The following BTD variants were observed in gnomAD, a reference collection of about 807,000 sequenced individuals.
BTD encodes the protein biotinidase, also known as biocytinase.
In BTD, 13 loss-of-function variants were observed where a neutral mutation model predicts 17.7. That is an observed-to-expected ratio of 0.74 (90% CI 0.48 to 1.17). BTD has a LOEUF of 1.17. Among genes scored for constraint, BTD ranks in the 50% most tolerant of loss-of-function variants. BTD has a pLI of 0.00. For missense variants in BTD, 674 were observed against 650.4 expected, an observed-to-expected ratio of 1.04 and a Z score of -0.39; for synonymous variants, 240 against 245.2, an observed-to-expected ratio of 0.98 and a Z score of 0.20.
intron 1 of BTD, among the ~76,000 whole-genome samples, chr3:15,620,822 G>A (rs1454057322): frequency 3.3e-5 from 5 of 152,240 alleles, no homozygotes; most frequent in African/African-American, 1.2e-4. Context: ...GTGCCAATGG[G>A]ATATATATAG....
intron 3 of BTD, chr3:15,708,054 G>A: frequency 6.2e-7 from 1 of 1,604,564 alleles, no homozygotes; most frequent in Non-Finnish European, 8.5e-7. Flanking sequence ...GCAGCGTAGT[G>A]CAGTGGAGAT....
intron 1 of BTD, chr3:15,606,451 G>A (rs1350477293): frequency 6.6e-6 from 1 of 152,218 alleles, no homozygotes; most frequent in Non-Finnish European, 1.5e-5. Flanking sequence ...GTTCAAGACT[G>A]ATTTGACATT....
At chr3:15,614,269 G>A (rs998643135) in intron 1 of BTD, among the ~76,000 whole-genome samples, 4 of 151,804 alleles carry the variant, frequency 2.6e-5, no homozygotes, top group Non-Finnish European at 5.9e-5. Flanking sequence ...GACCGCAGGT[G>A]TACACCACCA....
chr3:15,638,941 ATGTGGTCTGTCAT>A (rs1386495581), intron 2 of BTD, among the ~76,000 whole-genome samples: 1 of 152,256 alleles, frequency 6.6e-6, no homozygotes, highest in Admixed American at 6.5e-5. Flanking sequence ...ACCATCACAT[ATGTGGTCTGTCAT>A]TGACCAAAAT....
intron 3 of BTD, among the ~76,000 whole-genome samples, chr3:15,673,405 T>C (rs2066579516): frequency 6.6e-6 from 1 of 152,230 alleles, no homozygotes; most frequent in Non-Finnish European, 1.5e-5. Flanking sequence ...AGCCTCCACT[T>C]GCTCAGGCAC....
intron 3 of BTD, among the ~76,000 whole-genome samples, chr3:15,699,968 A>T (rs1000960897): frequency 2.6e-5 from 4 of 152,240 alleles, no homozygotes; most frequent in African/African-American, 9.6e-5. Flanking sequence ...TGCAATAGCA[A>T]AGACTTGGAA....
chr3:15,605,614 A>G (rs1169414135), intron 1 of BTD, among the ~76,000 whole-genome samples: 4 of 152,252 alleles, frequency 2.6e-5, no homozygotes, highest in African/African-American at 2.4e-5. Context: ...TATAATAAAG[A>G]TACAATTCAA....
intron 1 of BTD, among the ~76,000 whole-genome samples, chr3:15,629,718 G>A (rs2065156736): frequency 6.6e-6 from 1 of 152,036 alleles, no homozygotes; most frequent in African/African-American, 2.4e-5. Flanking sequence ...TACAGACAGG[G>A]TTTCACCTCC....
intron 4 of BTD, among the ~76,000 whole-genome samples, chr3:15,719,802 G>A (rs937572624): frequency 6.6e-6 from 1 of 151,846 alleles, no homozygotes; most frequent in Non-Finnish European, 1.5e-5. Flanking sequence ...TGATCTTCTC[G>A]CCTTGGCCTC....
chr3:15,674,630 A>T (rs1281613197), intron 3 of BTD, among the ~76,000 whole-genome samples: 1 of 152,216 alleles, frequency 6.6e-6, no homozygotes, highest in Non-Finnish European at 1.5e-5. Context: ...GGTAGTATTT[A>T]AAACCAAAGG....
intron 4 of BTD, among the ~76,000 whole-genome samples, chr3:15,717,830 C>T (rs2073251844): frequency 6.6e-6 from 1 of 152,148 alleles, no homozygotes; most frequent in African/African-American, 2.4e-5. Flanking sequence ...TTACCTCTAC[C>T]ACTTTGCAGG....
intron 1 of BTD, among the ~76,000 whole-genome samples, chr3:15,609,006 A>G (rs2064539644): frequency 6.6e-6 from 1 of 152,188 alleles, no homozygotes. Context: ...TGTCAGCAAA[A>G]CAAAGATTTA....
In BTD at chr3:15,686,901, C is replaced by T. The variant is rs75977240; in HGVS notation, c.400-23159C>T. On this transcript the variant is annotated intron_variant, in intron 3 of 3. Coordinates refer to the BTD transcript ENST00000672141. The stretch of plus-strand genomic sequence containing the variant: ...AGAATTTAATCCAGAGCTCTGACAC[C>T]GTTGTAGAATCAACCAACCCTGGAA... 1.4e-3 allele frequency among the ~76,000 whole-genome samples: 210 copies of T among 151,344 alleles called. 5 individuals are homozygous for T. The East Asian group carries it at 0.028, about 20-fold the overall frequency.
chr3:15,675,115 C>A (rs1203567322), intron 3 of BTD, among the ~76,000 whole-genome samples: 1 of 152,104 alleles, frequency 6.6e-6, no homozygotes, highest in Admixed American at 6.5e-5. Flanking sequence ...ACTAAAAATA[C>A]AAAATTTAGC....
chr3:15,686,600 T>C lies in BTD; in HGVS notation c.400-23460T>C, dbSNP rs1317777366. On this transcript the variant is annotated intron_variant, in intron 3 of 3. Transcript: ENST00000672141. ...CATTTTATTTAGCTCTCTGGCAATG[T>C]GGTCAGGAAGAGTGCCTTGACTCCA... The C allele has an allele frequency of 1.4e-5, 6 of 416,198 alleles. No individual in the cohort carries two copies. In the East Asian group the frequency reaches 3.3e-4, roughly 23 times the overall value. 25.8% of individuals were successfully genotyped at this position (416,198 alleles called of 1,614,324 possible). A position where few individuals can be genotyped will look rare whatever the true frequency, so the allele number is the denominator to read the frequency against.
At chr3:15,671,615 G>C (rs942657056) in intron 3 of BTD, among the ~76,000 whole-genome samples, 1 of 140,948 alleles carries the variant, frequency 7.1e-6, no homozygotes, top group Non-Finnish European at 1.5e-5. Context: ...GACAGAGTCT[G>C]CTCGGTCACC....
rs565954616 is a variant in BTD at position 15,635,139 on chromosome 3, A to G, written c.-16-285A>G. Among the ~76,000 whole-genome samples the G allele has an allele frequency of 3.9e-5, 6 of 152,380 alleles. No homozygotes were observed. The highest frequency in any genetic ancestry group is 8.8e-5 in the Non-Finnish European group (6 of 68,042). ...AGAAAAGTGGGTAGTGACGCACTACAGTCTTGCTGAACACTGGGTAAGAAA... is the reference window on the plus strand; with the variant it reads ...AGAAAAGTGGGTAGTGACGCACTACGGTCTTGCTGAACACTGGGTAAGAAA... On this transcript the variant is annotated intron_variant, in intron 1 of 3. Transcript: ENST00000643237. The surrounding 1 kb of genome is among the most constrained non-coding windows in gnomAD (Gnocchi z 4.1).
At chr3:15,683,227 C>A (rs183530556) in intron 3 of BTD, among the ~76,000 whole-genome samples, 1 of 152,266 alleles carries the variant, frequency 6.6e-6, no homozygotes, top group East Asian at 1.9e-4. Flanking sequence ...GTCTTTGCTT[C>A]TGAACAGTTT....
intron 3 of BTD, among the ~76,000 whole-genome samples, chr3:15,691,334 AG>A (rs1241079252): frequency 6.6e-6 from 1 of 152,104 alleles, no homozygotes; most frequent in Non-Finnish European, 1.5e-5. Flanking sequence ...CATGTTGGCC[AG>A]GATGGTCTCG....
Sources: allele counts gnomAD v4.1 joint callset (sites outside exome capture counted in the v4.1 genomes callset), GRCh38; gene constraint gnomAD v4.1.1; non-coding constraint Gnocchi (gnomAD v3.1); transcripts MANE v1.5; gene names NCBI Gene and HGNC (gene_info 2026-07-23, HGNC 2026-07-21).